ROS1: variants seen among roughly 807,000 people sequenced by gnomAD.
The protein encoded by ROS1 is proto-oncogene tyrosine-protein kinase ROS.
In ROS1, 263 loss-of-function variants were observed where a neutral mutation model predicts 273.5. The observed-to-expected ratio is 0.96, with a 90% CI of 0.87 to 1.06. ROS1 has a LOEUF of 1.06. Among genes scored for constraint, ROS1 ranks in the 50% least tolerant of loss-of-function variants. The pLI, the probability that ROS1 is intolerant of heterozygous loss-of-function variation, is 0.00. For missense variants in ROS1, 2,833 were observed against 2,751.1 expected (o/e 1.03, Z -0.67); for synonymous variants, 1,008 against 954.1 (o/e 1.06, Z -1.04).
Position 117,308,781 on chromosome 6 carries a change from A to G in ROS1, c.6551+13T>C, listed in dbSNP as rs769509605. ...TTGTTTGGGGGATACATATGTTAAC[A>G]TAATTAACTTACAGATCATCAGGAC... On this transcript the variant is annotated intron_variant, in intron 42 of 43. Coordinates refer to ENST00000368507, the MANE Select transcript of ROS1 (RefSeq NM_001378902.1). The G allele has an allele frequency of 1.2e-5, 19 of 1,610,944 alleles. No individual in the cohort carries two copies. The highest frequency in any genetic ancestry group is 3.3e-4 in the Middle Eastern group (2 of 6,062).
Position 117,353,001 on chromosome 6 carries a change from T to C in ROS1, c.4292A>G (p.Gln1431Arg), listed in dbSNP as rs1779003031. 1 of 1,612,710 alleles carries C rather than the reference T, an allele frequency of 6.2e-7. No individual in the cohort carries two copies. Among genetic ancestry groups the C allele is most frequent in the South Asian group, 1.1e-5 (1 of 90,592 alleles). Reference sequence around the variant, plus strand: ...TGTGACTTTATTACCTGGAAAAGGCTGCATAACTGAACTGTAAGCCAAGAT... The same window carrying C: ...TGTGACTTTATTACCTGGAAAAGGCCGCATAACTGAACTGTAAGCCAAGAT... ...RHILAYSSVM[Q>R]PFPDKAFLSL... Residue 1431 changes from glutamine (Q) to arginine (R), a missense_variant, in exon 27 of 44, where the codon CAG becomes CGG. Transcript: ENST00000368507.
At chr6:117,288,882 T>G in intron 43 of ROS1, 80 bp from the exon 44 acceptor site, 1 of 1,127,766 alleles carries the variant, frequency 8.9e-7, no homozygotes, top group Non-Finnish European at 1.2e-6. Flanking sequence ...ATCAGAATTA[T>G]AGCAACACCA....
chr6:117,368,476 C>T (rs1050189968), intron 18 of ROS1, among the ~76,000 whole-genome samples: 3 of 152,078 alleles, frequency 2.0e-5, no homozygotes, highest in Admixed American at 6.6e-5. Context: ...TTCTCAAGTT[C>T]GGAATATGAT....
intron 31 of ROS1, among the ~76,000 whole-genome samples, chr6:117,337,601 G>A (rs954509676): frequency 5.9e-5 from 9 of 152,026 alleles, no homozygotes; most frequent in South Asian, 2.1e-4. Context: ...ATATGTCAAC[G>A]AGGAAGATTC....
Position 117,386,922 on chromosome 6 carries a change from C to T in ROS1, c.2077G>A (p.Glu693Lys), listed in dbSNP as rs139359697. 7.6e-5 allele frequency: 122 copies of T among 1,611,464 alleles called. 1 individual carries two copies. The Middle Eastern group carries it at 1.7e-3, about 22-fold the overall frequency. Residue 693 changes from glutamate to lysine, a missense_variant, in exon 15 of 44, where the codon GAG (glutamate) becomes AAG (lysine). Coordinates refer to ENST00000368507, the MANE Select transcript of ROS1 (RefSeq NM_001378902.1). ...TTTCCTATATCAGAGGATAAGAACT[C>T]TCCTGGGCCAAAGCTATTTAATGGT... ...SKPLNSFGPG[E>K]FLSSDIGNVS...
At chr6:117,376,326 C>T (rs1781325067) in intron 18 of ROS1, among the ~76,000 whole-genome samples, 1 of 151,972 alleles carries the variant, frequency 6.6e-6, no homozygotes, top group Admixed American at 6.6e-5. Context: ...AAATAAATAG[C>T]CTTATATCCT....
At chr6:117,300,453 A>T (rs937998180) in intron 43 of ROS1, among the ~76,000 whole-genome samples, 2 of 152,184 alleles carry the variant, frequency 1.3e-5, no homozygotes, top group Admixed American at 6.5e-5. Flanking sequence ...CATTAAAAAA[A>T]TACACATTTT....
intron 42 of ROS1, among the ~76,000 whole-genome samples, chr6:117,302,258 T>C (rs531828707): frequency 1.3e-5 from 2 of 152,344 alleles, no homozygotes; most frequent in East Asian, 3.9e-4. Context: ...ATTCAGTCTT[T>C]TCTGGATAAT....
rs1383625583 is a variant in ROS1, at chr6:117,287,827, C to T, written c.*665G>A. ...CCCAGCTACTTAGGAGGCTGAGGCA[C>T]GAGAATTGCTTGAACCCAGGAGGTG... On this transcript the variant is annotated 3_prime_UTR_variant, in exon 44 of 44. Transcript: ENST00000368507. Among the ~76,000 whole-genome samples, 5 of 149,342 alleles carry T rather than the reference C, an allele frequency of 3.3e-5. No homozygotes were observed. Among genetic ancestry groups the T allele is most frequent in the African/African-American group, 9.9e-5 (4 of 40,578 alleles).
chr6:117,371,469 A>T (rs1346365232), intron 18 of ROS1, among the ~76,000 whole-genome samples: 2 of 152,124 alleles, frequency 1.3e-5, no homozygotes, highest in Non-Finnish European at 2.9e-5. Flanking sequence ...TCTTGCAGAG[A>T]TCCTTGGGGA....
intron 2 of ROS1, among the ~76,000 whole-genome samples, chr6:117,417,051 C>A (rs1256266362): frequency 6.6e-6 from 1 of 152,002 alleles, no homozygotes; most frequent in African/African-American, 2.4e-5. Flanking sequence ...TCTCCCGGAG[C>A]GAGTTCATCC....
In ROS1 at chr6:117,357,877, T is replaced by C; in HGVS notation, c.3766A>G (p.Lys1256Glu). The C allele has an allele frequency of 6.2e-7, 1 of 1,613,762 alleles. No homozygotes were observed. The highest frequency in any genetic ancestry group is 8.5e-7 in the Non-Finnish European group (1 of 1,179,766). ...VFDVDLEHKVKYPREVKIHNR... is the reference protein window; with the variant it reads ...VFDVDLEHKVEYPREVKIHNR... ...TGAATCTTCACCTCTCTGGGATATT[T>C]CACCTTGTGTTCAAGATCAACATCA... Residue 1256 changes from lysine (K) to glutamate (E), a missense_variant, in exon 25 of 44, where the codon AAA (lysine) becomes GAA (glutamate). Lys to Glu is a moderately conservative substitution (Grantham distance 56, BLOSUM62 1). Coordinates refer to ENST00000368507, the MANE Select transcript of ROS1 (RefSeq NM_001378902.1).
rs111505162 is a variant in ROS1, at chr6:117,350,207, G to A, written c.4303+2783C>T. Among the ~76,000 whole-genome samples the A allele has an allele frequency of 4.3e-3, 661 of 152,124 alleles. 2 individuals are homozygous for A. The highest frequency in any genetic ancestry group is 0.014 in the African/African-American group (595 of 41,548). ...TAACAAATTCTCTCAATTTTTGTCT[G>A]AGAATGTCTTTATTGCTCCTTCTCT... On this transcript the variant is annotated intron_variant, in intron 27 of 43. Transcript: ENST00000368507.
intron 32 of ROS1, 85 bp downstream of exon 32, chr6:117,337,087 A>G (rs1777535346): frequency 9.4e-7 from 1 of 1,060,136 alleles, no homozygotes; most frequent in Non-Finnish European, 1.4e-6. Flanking sequence ...GAACAATTTC[A>G]TATATCTCTA....
At chr6:117,369,882 T>C (rs1007894646) in intron 18 of ROS1, among the ~76,000 whole-genome samples, 4 of 152,162 alleles carry the variant, frequency 2.6e-5, no homozygotes, top group Non-Finnish European at 5.9e-5. Flanking sequence ...GATATATACA[T>C]AAATATCTAT....
At chr6:117,371,966 G>C (rs558855941) in intron 18 of ROS1, among the ~76,000 whole-genome samples, 1 of 152,282 alleles carries the variant, frequency 6.6e-6, no homozygotes, top group East Asian at 1.9e-4. Flanking sequence ...TGCCCCAACT[G>C]AGGGTCTTTC....
chr6:117,318,379 A>G (rs1290903171), intron 37 of ROS1, 127 bp from the exon 38 acceptor site: 1 of 693,812 alleles, frequency 1.4e-6, no homozygotes, highest in Non-Finnish European at 2.6e-6. Flanking sequence ...ATCGTAGATA[A>G]AACATGTGCA....
In ROS1 at chr6:117,366,208, G is replaced by C. The variant is rs748148750; in HGVS notation, c.2665C>G (p.Arg889Gly). The change falls in exon 19 of 44, where the codon CGG becomes GGG. Residue 889 changes from arginine (R) to glycine (G), a missense_variant. Coordinates refer to ENST00000368507, the MANE Select transcript of ROS1 (RefSeq NM_001378902.1). Reference protein sequence around the residue: ...SQNALMYYSGRLFWINGFRII... With the variant: ...SQNALMYYSGGLFWINGFRII... ...CTAAAGCCATTGATCCAGAACAGCC[G>C]ACCACTATAGTACATCAGTGCATTC... The C allele has an allele frequency of 6.2e-6, 10 of 1,613,830 alleles. No homozygotes were observed. The Admixed American group carries it at 1.7e-4, about 27-fold the overall frequency.
rs1410496321 is a variant in ROS1, at chr6:117,372,207, C to G, written c.2583-5917G>C. Reference sequence around the variant, plus strand: ...GGAACAAGACAAGGATGCCCAGTCACACCAGTCCTGTTCAACATAGTACTG... The same window carrying G: ...GGAACAAGACAAGGATGCCCAGTCAGACCAGTCCTGTTCAACATAGTACTG... On this transcript the variant is annotated intron_variant, in intron 18 of 43. Transcript: ENST00000368507. Among the ~76,000 whole-genome samples, 6 of 152,156 alleles carry G rather than the reference C, an allele frequency of 3.9e-5. No individual in the cohort carries two copies. In the East Asian group the frequency reaches 1.2e-3, roughly 29 times the overall value.
Sources: gnomAD v4.1 joint callset for allele counts (sites outside exome capture counted in the v4.1 genomes callset) on GRCh38, gnomAD v4.1.1 for gene constraint, MANE v1.5 for transcripts, NCBI Gene and HGNC (gene_info 2026-07-23, HGNC 2026-07-21) for gene names.